The following GRIN2A variants were observed in gnomAD, a reference collection of about 807,000 sequenced individuals.
GRIN2A encodes glutamate ionotropic receptor NMDA type subunit 2A.
A neutral mutation model predicts 113.4 loss-of-function variants in GRIN2A; 22 were observed. The ratio of observed to expected loss-of-function variants is 0.19; its 90% CI spans 0.14 to 0.28. GRIN2A has a LOEUF of 0.28. GRIN2A is among the 10% of genes least tolerant of loss of function. The pLI, the probability that GRIN2A is intolerant of heterozygous loss-of-function variation, is 1.00. For synonymous variants in GRIN2A, 827 were observed against 738.4 expected, an observed-to-expected ratio of 1.12 and a Z score of -1.94; for missense variants, 1,502 against 1,887.0, an observed-to-expected ratio of 0.80 and a Z score of 3.78.
intron 2 of GRIN2A, among the ~76,000 whole-genome samples, chr16:9,998,407 T>G (rs2046263533): frequency 6.6e-6 from 1 of 152,200 alleles, no homozygotes; most frequent in Non-Finnish European, 1.5e-5. Context: ...GCATGTTGTG[T>G]GAATACTTAA....
intron 2 of GRIN2A, among the ~76,000 whole-genome samples, chr16:10,013,876 G>T (rs2046554981): frequency 6.6e-6 from 1 of 152,160 alleles, no homozygotes; most frequent in African/African-American, 2.4e-5. Flanking sequence ...TCCAGCTATT[G>T]ATTCAGCTTC....
At chr16:9,793,195 A>G (rs1902727581) in intron 11 of GRIN2A, among the ~76,000 whole-genome samples, 1 of 152,204 alleles carries the variant, frequency 6.6e-6, no homozygotes, top group Non-Finnish European at 1.5e-5. Context: ...ATTATATGTG[A>G]TGTGCTTGGC....
intron 2 of GRIN2A, among the ~76,000 whole-genome samples, chr16:10,020,197 A>T (rs2046692221): frequency 6.6e-6 from 1 of 152,152 alleles, no homozygotes; most frequent in South Asian, 2.1e-4. Flanking sequence ...GTGGATGACG[A>T]GGTCAGGAGT....
intron 10 of GRIN2A, among the ~76,000 whole-genome samples, chr16:9,818,660 A>G (rs2042228340): frequency 6.6e-6 from 1 of 152,256 alleles, no homozygotes; most frequent in African/African-American, 2.4e-5. Flanking sequence ...TCTTAAGTAT[A>G]TAAATATGGC....
chr16:10,009,032 G>A (rs1190716039), intron 2 of GRIN2A, among the ~76,000 whole-genome samples: 1 of 152,204 alleles, frequency 6.6e-6, no homozygotes, highest in Non-Finnish European at 1.5e-5. Context: ...CACTAATACA[G>A]ATGAAAATAC....
chr16:9,834,954 C>T (rs960414024), intron 7 of GRIN2A, among the ~76,000 whole-genome samples: 4 of 152,172 alleles, frequency 2.6e-5, no homozygotes, highest in African/African-American at 9.7e-5. Context: ...AAACCATAGG[C>T]TCCTGCAAAT....
intron 9 of GRIN2A, among the ~76,000 whole-genome samples, chr16:9,825,630 G>C (rs1027487084): frequency 2.0e-5 from 3 of 152,018 alleles, no homozygotes; most frequent in Non-Finnish European, 4.4e-5. Context: ...TGTAAATAAG[G>C]GACATCTGGC....
intron 2 of GRIN2A, among the ~76,000 whole-genome samples, chr16:10,053,311 A>G (rs1489562601): frequency 6.6e-6 from 1 of 152,216 alleles, no homozygotes; most frequent in Admixed American, 6.5e-5. Context: ...ATGTCAGGCT[A>G]AAAGGAAGAT....
At chr16:9,976,473 T>C (rs193079650) in intron 2 of GRIN2A, among the ~76,000 whole-genome samples, 152 of 152,336 alleles carry the variant, frequency 1.0e-3, no homozygotes, top group East Asian at 1.9e-3. Context: ...TCCTCTGTTC[T>C]GTGAGTCTTT....
chr16:9,838,429 A>T (rs577573514), intron 7 of GRIN2A, among the ~76,000 whole-genome samples: 1 of 152,326 alleles, frequency 6.6e-6, no homozygotes, highest in African/African-American at 2.4e-5. Flanking sequence ...GCATAAAGAA[A>T]ATGTGGTATA....
intron 2 of GRIN2A, among the ~76,000 whole-genome samples, chr16:9,953,771 T>A (rs2045237783): frequency 6.6e-6 from 1 of 152,090 alleles, no homozygotes; most frequent in South Asian, 2.1e-4. Flanking sequence ...GTGTCTAGTG[T>A]CCAGGAAGAC....
chr16:10,016,765 C>G (rs1447183026), intron 2 of GRIN2A, among the ~76,000 whole-genome samples: 1 of 152,190 alleles, frequency 6.6e-6, no homozygotes, highest in Non-Finnish European at 1.5e-5. Context: ...CTCTCTGGGC[C>G]TCCCGGCCTG....
At chr16:9,933,890 C>T (rs934884845) in intron 3 of GRIN2A, among the ~76,000 whole-genome samples, 3 of 152,198 alleles carry the variant, frequency 2.0e-5, no homozygotes, top group African/African-American at 4.8e-5. Flanking sequence ...AGTTCTAACA[C>T]ATTAGACACC....
At chr16:9,805,723 A>G (rs1270398033) in intron 10 of GRIN2A, among the ~76,000 whole-genome samples, 1 of 152,180 alleles carries the variant, frequency 6.6e-6, no homozygotes, top group Non-Finnish European at 1.5e-5. Flanking sequence ...TTTGCTTGTA[A>G]TTGCAGATGC....
intron 2 of GRIN2A, among the ~76,000 whole-genome samples, chr16:10,110,946 A>G (rs185216633): frequency 2.6e-5 from 4 of 152,354 alleles, no homozygotes; most frequent in African/African-American, 4.8e-5. Flanking sequence ...TCTGCTATTC[A>G]GGGATGTATG....
chr16:9,765,692 T>TGG (rs1900873622), intron 12 of GRIN2A, among the ~76,000 whole-genome samples: 2 of 152,156 alleles, frequency 1.3e-5, no homozygotes, highest in Non-Finnish European at 2.9e-5. Flanking sequence ...TTTAAACCCC[T>TGG]GGAGCCACTC....
chr16:10,134,530 G>C (rs1034379579), intron 2 of GRIN2A, among the ~76,000 whole-genome samples: 14 of 152,096 alleles, frequency 9.2e-5, no homozygotes, highest in African/African-American at 2.7e-4. Context: ...TAATGTAAAT[G>C]ATGAGTTGAT....
At chr16:10,041,413 T>G (rs1465641850) in intron 2 of GRIN2A, among the ~76,000 whole-genome samples, 1 of 152,212 alleles carries the variant, frequency 6.6e-6, no homozygotes, top group Non-Finnish European at 1.5e-5. Context: ...AGATTACTCA[T>G]TCTGCTGTAC....
intron 9 of GRIN2A, 119 bp from the exon 10 acceptor site, chr16:9,822,543 A>G (rs558063099): frequency 4.0e-6 from 3 of 741,114 alleles, no homozygotes; most frequent in African/African-American, 1.7e-5. Context: ...AGGTAAATGC[A>G]TGCATTAGGG....
Sources: allele counts gnomAD v4.1 joint callset (sites outside exome capture counted in the v4.1 genomes callset), GRCh38; gene constraint gnomAD v4.1.1; transcripts MANE v1.5; gene names NCBI Gene and HGNC (gene_info 2026-07-23, HGNC 2026-07-21).